Variants in PCDHGA2 observed in about 807,000 individuals in gnomAD.
PCDHGA2 encodes the protein protocadherin gamma subfamily A, 2.
In PCDHGA2, 40 loss-of-function variants were observed where a neutral mutation model predicts 59.2. The observed-to-expected ratio is 0.68, with a 90% CI of 0.52 to 0.88. The LOEUF is 0.88. Among genes scored for constraint, PCDHGA2 ranks in the 40% least tolerant of loss-of-function variants. The probability of loss-of-function intolerance (pLI) is 0.00; values close to 1 mark genes in which losing one functional copy is unlikely to be tolerated. For synonymous variants in PCDHGA2, 560 were observed against 526.0 expected, an observed-to-expected ratio of 1.06 and a Z score of -0.89; for missense variants, 1,226 against 1,204.0, an observed-to-expected ratio of 1.02 and a Z score of -0.27.
In PCDHGA2 at chr5:141,485,049, G is replaced by C. The variant is rs1271101804; in HGVS notation, c.2425-9758G>C. On this transcript the variant is annotated intron_variant, in intron 1 of 3. Coordinates refer to ENST00000394576, the MANE Select transcript of PCDHGA2 (RefSeq NM_018915.4). The surrounding 1 kb of genome is among the most constrained non-coding windows in gnomAD (Gnocchi z 5.7). ...AACGGCGCGTAACCCTTGCGGCGCC[G>C]GCCGAACCGCGCCAGAGCTGGCGCG... 1 of 780,438 alleles carries C rather than the reference G, an allele frequency of 1.3e-6. No homozygotes were observed. The highest frequency in any genetic ancestry group is 2.1e-6 in the Non-Finnish European group (1 of 469,234). The allele number at this position is 780,438 out of a possible 1,614,324, so 48.3% of individuals were successfully genotyped here. A position where few individuals can be genotyped will look rare whatever the true frequency, so the allele number is the denominator to read the frequency against.
intron 3 of PCDHGA2, among the ~76,000 whole-genome samples, chr5:141,510,741 C>A (rs11953770): frequency 1.3e-5 from 2 of 152,138 alleles, no homozygotes; most frequent in Non-Finnish European, 1.5e-5. Context: ...GGAATCAAAC[C>A]TAGACTTTCT....
At chr5:141,346,217 G>C (rs1279529882) in intron 1 of PCDHGA2, 5 of 1,614,184 alleles carry the variant, frequency 3.1e-6, no homozygotes, top group Admixed American at 1.7e-5. Flanking sequence ...TGCAGGCTTC[G>C]GGAGGCGGCT....
intron 1 of PCDHGA2, chr5:141,415,791 CCTAGTCTCAA>C: frequency 2.2e-6 from 3 of 1,341,938 alleles, no homozygotes; most frequent in Non-Finnish European, 1.9e-6. Flanking sequence ...GTAAAATTCA[CCTAGTCTCAA>C]TCAAGGCCTA....
intron 1 of PCDHGA2, among the ~76,000 whole-genome samples, chr5:141,358,974 C>A (rs1440988356): frequency 1.3e-5 from 2 of 152,270 alleles, no homozygotes; most frequent in African/African-American, 2.4e-5. Flanking sequence ...TGTGAGAATT[C>A]AAAATTCATG....
chr5:141,401,654 G>T (rs566223613), intron 1 of PCDHGA2, among the ~76,000 whole-genome samples: 52 of 152,328 alleles, frequency 3.4e-4, no homozygotes, highest in Middle Eastern at 3.4e-3. Flanking sequence ...TAAATGACTG[G>T]ATGTTTTCTC....
rs1293684074 is a variant in PCDHGA2 at position 141,512,899 on chromosome 5, C to T, written c.*1726C>T. On this transcript the variant is annotated 3_prime_UTR_variant, in exon 4 of 4. Transcript: ENST00000394576. ...CCCACCCCACCCTCTTCCTGTGTCT[C>T]ACGCAAGTTTTATACTCTAATATTT... 1 of 152,260 alleles carries T rather than the reference C, an allele frequency of 6.6e-6. No homozygotes were observed. Among genetic ancestry groups the T allele is most frequent in the Non-Finnish European group, 1.5e-5 (1 of 68,064 alleles). 9.4% of individuals were successfully genotyped at this position (152,260 alleles called of 1,614,324 possible). A position where few individuals can be genotyped will look rare whatever the true frequency, so the allele number is the denominator to read the frequency against.
intron 2 of PCDHGA2, among the ~76,000 whole-genome samples, chr5:141,498,114 G>C (rs1336064850): frequency 6.6e-6 from 1 of 152,196 alleles, no homozygotes; most frequent in East Asian, 1.9e-4. Flanking sequence ...CGTATAATAG[G>C]GATTTGATTT....
intron 1 of PCDHGA2, chr5:141,426,519 C>T: frequency 8.8e-6 from 3 of 341,848 alleles, no homozygotes; most frequent in South Asian, 6.9e-5. Flanking sequence ...TTACCGTGAA[C>T]ACGGAGAATG....
rs1025148587 is a variant in PCDHGA2, at chr5:141,431,434, C to T, written c.2425-63373C>T. ...GGGGCGACCCGGTGCGCACAGGCAC[C>T]GCGCGCATCCGCGTGATGGTTCTGG... On this transcript the variant is annotated intron_variant, in intron 1 of 3. Transcript: ENST00000394576. This position sits in a 1 kb window ranked among gnomAD's most constrained non-coding sequence, Gnocchi z 4.8. The T allele has an allele frequency of 6.2e-7, 1 of 1,613,690 alleles. No homozygotes were observed. The highest frequency in any genetic ancestry group is 1.3e-5 in the African/African-American group (1 of 75,072).
chr5:141,500,937 C>G (rs910002814), intron 2 of PCDHGA2, among the ~76,000 whole-genome samples: 1 of 151,804 alleles, frequency 6.6e-6, no homozygotes, highest in Non-Finnish European at 1.5e-5. Context: ...GGCGCCATCT[C>G]GGCTCACTGC....
At chr5:141,462,144 G>A (rs984269848) in intron 1 of PCDHGA2, among the ~76,000 whole-genome samples, 1 of 152,042 alleles carries the variant, frequency 6.6e-6, no homozygotes, top group South Asian at 2.1e-4. Context: ...ATTTTTAGTA[G>A]AGATGGGGTT....
At chr5:141,384,888 T>C in intron 1 of PCDHGA2, 2 of 1,613,854 alleles carry the variant, frequency 1.2e-6, no homozygotes, top group Non-Finnish European at 1.7e-6. Context: ...TCACCGTGGC[T>C]GTGGCTGACA....
chr5:141,400,674 T>A, intron 1 of PCDHGA2: 1 of 917,906 alleles, frequency 1.1e-6, no homozygotes, highest in Non-Finnish European at 1.7e-6. Flanking sequence ...AGAGGAGCAG[T>A]AAATTGTGAG....
At chr5:141,467,672 A>T (rs1410623274) in intron 1 of PCDHGA2, among the ~76,000 whole-genome samples, 2 of 151,636 alleles carry the variant, frequency 1.3e-5, no homozygotes, top group Non-Finnish European at 2.9e-5. Context: ...GAAGATTTTT[A>T]TTTTTTTTAG....
chr5:141,350,206 C>A (rs1304389035), intron 1 of PCDHGA2: 1 of 1,466,600 alleles, frequency 6.8e-7, no homozygotes, highest in Non-Finnish European at 9.1e-7. Context: ...AGGGTGCTGC[C>A]ATTTCTTTTT....
At chr5:141,358,810 C>T (rs1265503532) in intron 1 of PCDHGA2, among the ~76,000 whole-genome samples, 3 of 152,162 alleles carry the variant, frequency 2.0e-5, no homozygotes, top group African/African-American at 2.4e-5. Flanking sequence ...ATATGATTTA[C>T]GCTGCTTAGT....
intron 3 of PCDHGA2, among the ~76,000 whole-genome samples, chr5:141,509,277 T>TC (rs566266970): frequency 0.011 from 1,653 of 152,240 alleles, 22 homozygotes; most frequent in Non-Finnish European, 0.018. Context: ...CGCTACCCGC[T>TC]CCCAGGGTCC....
chr5:141,502,864 G>GGCTTTTTT (rs2099816401), intron 2 of PCDHGA2, among the ~76,000 whole-genome samples: 1 of 61,572 alleles, frequency 1.6e-5, no homozygotes, highest in Non-Finnish European at 3.0e-5. Flanking sequence ...CTGACTCTCT[G>GGCTTTTTT]TCTTTTTTTT....
intron 1 of PCDHGA2, chr5:141,355,456 A>G: frequency 6.2e-7 from 1 of 1,614,078 alleles, no homozygotes; most frequent in Non-Finnish European, 8.5e-7. Context: ...CACCTTGGTC[A>G]CCGCGGGTAG....
Sources: allele counts gnomAD v4.1 joint callset (sites outside exome capture counted in the v4.1 genomes callset), GRCh38; gene constraint gnomAD v4.1.1; non-coding constraint Gnocchi (gnomAD v3.1); transcripts MANE v1.5; gene names NCBI Gene and HGNC (gene_info 2026-07-23, HGNC 2026-07-21).